The following CSRP2 variants were observed in gnomAD, a reference collection of about 807,000 sequenced individuals.
The protein encoded by CSRP2 is cysteine and glycine rich protein 2, also known as cysteine and glycine-rich protein 2.
A neutral mutation model predicts 24.6 loss-of-function variants in CSRP2; 18 were observed. The ratio of observed to expected loss-of-function variants is 0.73; its 90% confidence interval spans 0.51 to 1.09. The LOEUF (loss-of-function observed/expected upper bound fraction) is 1.09. Among genes scored for constraint, CSRP2 ranks in the 50% least tolerant of loss-of-function variants. The pLI is 0.00. For synonymous variants in CSRP2, 87 were observed against 84.3 expected (o/e 1.03, Z -0.18); for missense variants, 215 against 239.4 (o/e 0.90, Z 0.67).
intron 1 of CSRP2, among the ~76,000 whole-genome samples, chr12:76,872,685 G>A (rs556178524): frequency 6.6e-6 from 1 of 152,362 alleles, no homozygotes; most frequent in South Asian, 2.1e-4. Context: ...ATGTAAATCA[G>A]ACATCGCCTC....
chr12:76,873,592 C>T (rs1006773991), intron 1 of CSRP2, among the ~76,000 whole-genome samples: 2 of 152,184 alleles, frequency 1.3e-5, no homozygotes, highest in Admixed American at 6.5e-5. Context: ...TTGGAGTCCA[C>T]GAAGTGTCAT....
intron 1 of CSRP2, among the ~76,000 whole-genome samples, chr12:76,866,962 C>T (rs1410757195): frequency 1.3e-5 from 2 of 152,130 alleles, no homozygotes; most frequent in Non-Finnish European, 2.9e-5. Context: ...CTAGTGCAGC[C>T]AGCAGTTGGG....
chr12:76,873,340 C>T (rs1022607004), intron 1 of CSRP2, among the ~76,000 whole-genome samples: 3 of 152,216 alleles, frequency 2.0e-5, no homozygotes, highest in Non-Finnish European at 4.4e-5. Context: ...CAGGATTTGA[C>T]AGCTGTAGTT....
chr12:76,860,442 CAA>C, intron 3 of CSRP2, 29 bp from the exon 4 acceptor site: 1 of 1,609,598 alleles, frequency 6.2e-7, no homozygotes, highest in South Asian at 1.1e-5. Context: ...AAAAAGTAGG[CAA>C]GAGTTTCCAC....
intron 5 of CSRP2, 127 bp downstream of exon 5, chr12:76,859,420 G>A: frequency 1.5e-6 from 1 of 659,700 alleles, no homozygotes; most frequent in Non-Finnish European, 2.6e-6. Context: ...AAGCATCTTG[G>A]GATATTTTAT....
chr12:76,863,015 C>CA (rs901561839), intron 3 of CSRP2, 161 bp downstream of exon 3: 1 of 1,434,656 alleles, frequency 7.0e-7, no homozygotes. Context: ...TTGTTAGGTC[C>CA]AAAACTCAAT....
intron 1 of CSRP2, among the ~76,000 whole-genome samples, chr12:76,869,565 CACACACACACACA>C (rs1188658249): frequency 2.0e-5 from 3 of 148,008 alleles, no homozygotes; most frequent in Non-Finnish European, 4.4e-5. Context: ...CACACACACA[CACACACACACACA>C]CCCCTGACTG....
At chr12:76,878,251 C>G (rs1018848933) in intron 1 of CSRP2, 1 of 152,232 alleles carries the variant, frequency 6.6e-6, no homozygotes, top group Non-Finnish European at 1.5e-5. Flanking sequence ...AGCATTCTTG[C>G]ATTCTTCTTT....
At chr12:76,867,093 G>A (rs1287561222) in intron 1 of CSRP2, among the ~76,000 whole-genome samples, 1 of 152,102 alleles carries the variant, frequency 6.6e-6, no homozygotes. Context: ...TGCTGTAAAG[G>A]GCAAGCTGGA....
At chr12:76,874,460 T>C (rs1292286600) in intron 1 of CSRP2, among the ~76,000 whole-genome samples, 1 of 152,204 alleles carries the variant, frequency 6.6e-6, no homozygotes, top group Non-Finnish European at 1.5e-5. Context: ...AACTATCTTA[T>C]AGGCGGTTGT....
chr12:76,868,661 T>C (rs1335349159), intron 1 of CSRP2, among the ~76,000 whole-genome samples: 1 of 152,146 alleles, frequency 6.6e-6, no homozygotes, highest in East Asian at 1.9e-4. Context: ...AAAGCACTGG[T>C]TTGGCCAGGT....
intron 1 of CSRP2, among the ~76,000 whole-genome samples, chr12:76,878,583 G>A (rs1953875182): frequency 6.6e-6 from 1 of 152,206 alleles, no homozygotes. Flanking sequence ...GCTAAGAGGC[G>A]GATTAGCAGA....
At chr12:76,866,748 A>G (rs548559940) in intron 1 of CSRP2, among the ~76,000 whole-genome samples, 17 of 152,354 alleles carry the variant, frequency 1.1e-4, no homozygotes, top group African/African-American at 4.1e-4. Context: ...TATATAAGCT[A>G]TAACACGCTT....
rs1036633215 is a variant in CSRP2, at chr12:76,860,497, G to A, written c.282-84C>T. 29 of 1,491,016 alleles carry A rather than the reference G, an allele frequency of 1.9e-5. No individual in the cohort carries two copies. In the African/African-American group the frequency reaches 3.6e-4, roughly 19 times the overall value. 92.4% of individuals were successfully genotyped at this position (1,491,016 alleles called of 1,614,324 possible). A position where few individuals can be genotyped will look rare whatever the true frequency, so the allele number is the denominator to read the frequency against. On this transcript the variant is annotated intron_variant, in intron 3 of 5. Coordinates refer to ENST00000311083, the MANE Select transcript of CSRP2 (RefSeq NM_001321.3). ...ACAAGGCAGGAACAATAGAACTCTGGGACTTAACCGCTACACTGCCTCAAA... is the reference window on the plus strand; with the variant it reads ...ACAAGGCAGGAACAATAGAACTCTGAGACTTAACCGCTACACTGCCTCAAA...
Position 76,871,899 on chromosome 12 carries a change from T to TA in CSRP2, c.-1-5639dup, listed in dbSNP as rs774770134. 2.9e-3 allele frequency among the ~76,000 whole-genome samples: 389 copies of TA among 132,496 alleles called. 3 individuals are homozygous for TA. Among genetic ancestry groups the TA allele is most frequent in the South Asian group, 5.5e-3 (23 of 4,152 alleles). 86.9% of individuals were successfully genotyped at this position (132,496 alleles called of 152,430 possible). ...CTGTCACTCTTGGCATTGCTGTGCA[T>TA]AAAAAAAAAAAAAAGCAAGTCTTCA... is the stretch of plus-strand genomic sequence containing the variant. On this transcript the variant is annotated intron_variant, in intron 1 of 5. Coordinates refer to ENST00000311083, the MANE Select transcript of CSRP2 (RefSeq NM_001321.3).
intron 1 of CSRP2, among the ~76,000 whole-genome samples, chr12:76,870,499 A>C (rs1953785710): frequency 6.6e-6 from 1 of 152,224 alleles, no homozygotes; most frequent in African/African-American, 2.4e-5. Context: ...TTACTGTGCA[A>C]TAAGTTTCTG....
chr12:76,872,938 G>C (rs12316906), intron 1 of CSRP2, among the ~76,000 whole-genome samples: 21,038 of 152,246 alleles, frequency 0.14, 1,725 homozygotes, highest in African/African-American at 0.21. Context: ...AGAGCCGTAT[G>C]ATAATCAAGA....
intron 1 of CSRP2, among the ~76,000 whole-genome samples, chr12:76,872,742 G>A (rs1343436423): frequency 6.6e-6 from 1 of 152,216 alleles, no homozygotes; most frequent in Non-Finnish European, 1.5e-5. Flanking sequence ...TGCAGGTGGG[G>A]ACCTCCTCTT....
intron 3 of CSRP2, chr12:76,862,547 GA>G (rs1235005878): frequency 2.6e-3 from 755 of 293,496 alleles, no homozygotes; most frequent in Middle Eastern, 4.6e-3. Flanking sequence ...TGACAAAAAA[GA>G]AAAAAAAAAG....
Sources: allele counts gnomAD v4.1 joint callset (sites outside exome capture counted in the v4.1 genomes callset), GRCh38; gene constraint gnomAD v4.1.1; transcripts MANE v1.5; gene names NCBI Gene and HGNC (gene_info 2026-07-23, HGNC 2026-07-21).